Variants in RYR2 observed in about 807,000 individuals in gnomAD.
The protein encoded by RYR2 is cardiac muscle ryanodine receptor-calcium release channel.
Under a neutral mutation model 601.1 loss-of-function variants are expected in RYR2, and 227 were observed. The observed-to-expected ratio is 0.38, with a 90% CI of 0.34 to 0.42. The LOEUF is 0.42. RYR2 is among the 10% of genes least tolerant of loss of function. RYR2 has a pLI of 1.00. For synonymous variants in RYR2, 2,223 were observed against 2,175.1 expected, an observed-to-expected ratio of 1.02 and a Z score of -0.61; for missense variants, 4,646 against 6,156.5, an observed-to-expected ratio of 0.75 and a Z score of 8.21.
chr1:237,084,845 A>G (rs760427416), intron 1 of RYR2, among the ~76,000 whole-genome samples: 5 of 152,238 alleles, frequency 3.3e-5, no homozygotes, highest in Non-Finnish European at 5.9e-5. Flanking sequence ...GTGCCCATGC[A>G]GGAAGCATGA....
At chr1:237,298,973 G>A (rs941832834) in intron 2 of RYR2, among the ~76,000 whole-genome samples, 1 of 152,084 alleles carries the variant, frequency 6.6e-6, no homozygotes, top group Non-Finnish European at 1.5e-5. Flanking sequence ...CAGCCTGGGC[G>A]ACAAAGTGAG....
intron 65 of RYR2, 64 bp from the exon 66 acceptor site, chr1:237,701,914 C>A: frequency 1.1e-6 from 1 of 901,274 alleles, no homozygotes; most frequent in Non-Finnish European, 1.8e-6. Flanking sequence ...ATAGCTTAAG[C>A]TTTCTCAGGA....
At chr1:237,492,324 G>A (rs563354794) in intron 18 of RYR2, among the ~76,000 whole-genome samples, 76 of 152,290 alleles carry the variant, frequency 5.0e-4, no homozygotes, top group African/African-American at 1.6e-3. Context: ...GAGCCACCGC[G>A]CCTGGGCTTC....
At chr1:237,733,316 T>A (rs1325715030) in intron 78 of RYR2, among the ~76,000 whole-genome samples, 2 of 152,220 alleles carry the variant, frequency 1.3e-5, no homozygotes, top group South Asian at 2.1e-4. Flanking sequence ...TGTCATATCA[T>A]AATTTGGGGA....
chr1:237,239,009 C>T (rs1460657441), intron 1 of RYR2, among the ~76,000 whole-genome samples: 4 of 152,002 alleles, frequency 2.6e-5, no homozygotes, highest in Non-Finnish European at 5.9e-5. Context: ...TGAGTGTGCT[C>T]AGGATTAGAA....
intron 12 of RYR2, among the ~76,000 whole-genome samples, chr1:237,435,934 G>A (rs1707308672): frequency 6.6e-6 from 1 of 152,112 alleles, no homozygotes; most frequent in South Asian, 2.1e-4. Flanking sequence ...CCGTGCAAGT[G>A]GTCTGGCCAG....
At chr1:237,291,232 CAGA>C (rs951321889) in intron 2 of RYR2, among the ~76,000 whole-genome samples, 3 of 151,910 alleles carry the variant, frequency 2.0e-5, no homozygotes, top group African/African-American at 7.3e-5. Flanking sequence ...CAAAAACAAG[CAGA>C]AGATCACTAT....
At chr1:237,090,272 C>A (rs1666819610) in intron 1 of RYR2, among the ~76,000 whole-genome samples, 1 of 152,196 alleles carries the variant, frequency 6.6e-6, no homozygotes, top group Non-Finnish European at 1.5e-5. Flanking sequence ...TGTCCATATT[C>A]TAATCCCCAG....
chr1:237,628,538 A>G (rs1679921865), intron 41 of RYR2, among the ~76,000 whole-genome samples: 1 of 151,980 alleles, frequency 6.6e-6, no homozygotes, highest in African/African-American at 2.4e-5. Flanking sequence ...TGTCCCTACA[A>G]AGGACATGAA....
At chr1:237,095,975 G>A (rs1487851420) in intron 1 of RYR2, among the ~76,000 whole-genome samples, 1 of 152,202 alleles carries the variant, frequency 6.6e-6, no homozygotes, top group Non-Finnish European at 1.5e-5. Context: ...TACTAGAATA[G>A]TTTTCATTTC....
At chr1:237,730,921 A>C (rs1690623341) in intron 77 of RYR2, among the ~76,000 whole-genome samples, 1 of 152,158 alleles carries the variant, frequency 6.6e-6, no homozygotes, top group South Asian at 2.1e-4. Flanking sequence ...CCATCTAAAT[A>C]TCTGGCAAAA....
intron 1 of RYR2, among the ~76,000 whole-genome samples, chr1:237,098,387 A>ATGTGTGTGTGTGTGTG (rs937631817): frequency 6.3e-5 from 3 of 47,308 alleles, no homozygotes; most frequent in African/African-American, 1.5e-4. Context: ...CATTGTGTGT[A>ATGTGTGTGTGTGTGTG]TGTGTGTGTG....
intron 7 of RYR2, among the ~76,000 whole-genome samples, chr1:237,376,107 C>T (rs560843682): frequency 5.5e-4 from 84 of 152,184 alleles, no homozygotes; most frequent in African/African-American, 1.9e-3. Flanking sequence ...AATGGTTAGC[C>T]AATAGTGGGT....
intron 1 of RYR2, among the ~76,000 whole-genome samples, chr1:237,097,710 G>T (rs1057012833): frequency 6.6e-6 from 1 of 152,126 alleles, no homozygotes; most frequent in East Asian, 1.9e-4. Flanking sequence ...CCATTGCACC[G>T]TTTCTGGGGA....
chr1:237,454,126 G>T (rs1012559609), intron 14 of RYR2, among the ~76,000 whole-genome samples: 1 of 152,064 alleles, frequency 6.6e-6, no homozygotes, highest in African/African-American at 2.4e-5. Flanking sequence ...TCCTACTATT[G>T]GTTTTGTAGA....
chr1:237,348,185 C>T (rs1207138863), intron 3 of RYR2, among the ~76,000 whole-genome samples: 1 of 152,116 alleles, frequency 6.6e-6, no homozygotes, highest in Non-Finnish European at 1.5e-5. Flanking sequence ...GAGACAGGGT[C>T]TCATTGTCCA....
At chr1:237,085,546 A>G (rs1666231762) in intron 1 of RYR2, among the ~76,000 whole-genome samples, 1 of 152,226 alleles carries the variant, frequency 6.6e-6, no homozygotes, top group Admixed American at 6.5e-5. Flanking sequence ...GGTATACAAC[A>G]GCTGTGATTT....
In RYR2 at chr1:237,832,749, C is replaced by A; in HGVS notation, c.*102C>A. ...AACATTTTGCTGATTTTGTGAATTG[C>A]CAGCGTTGTGTGTTTTCTGGGAGCA... On this transcript the variant is annotated 3_prime_UTR_variant, in exon 105 of 105. Coordinates refer to ENST00000366574, the MANE Select transcript of RYR2 (RefSeq NM_001035.3). The A allele has an allele frequency of 6.4e-6, 4 of 624,968 alleles. No individual in the cohort carries two copies. Among genetic ancestry groups the A allele is most frequent in the Non-Finnish European group, 1.1e-5 (4 of 361,058 alleles). The allele number at this position is 624,968 out of a possible 1,614,324, so 38.7% of individuals were successfully genotyped here.
chr1:237,042,634 C>T, intron 1 of RYR2, 65 bp downstream of exon 1: 8 of 1,240,676 alleles, frequency 6.4e-6, no homozygotes, highest in Non-Finnish European at 8.2e-6. Context: ...CTAGCGGGGT[C>T]CGGGCAGAGT....
Sources: gnomAD v4.1 joint callset for allele counts (sites outside exome capture counted in the v4.1 genomes callset) on GRCh38, gnomAD v4.1.1 for gene constraint, MANE v1.5 for transcripts, NCBI Gene and HGNC (gene_info 2026-07-23, HGNC 2026-07-21) for gene names.